HS3ST3A1: variants seen among roughly 807,000 people sequenced by gnomAD.
HS3ST3A1 encodes heparan sulfate-glucosamine 3-sulfotransferase 3A1.
In HS3ST3A1, 19 loss-of-function variants were observed where a neutral mutation model predicts 25.7. The observed-to-expected ratio is 0.74, with a 90% confidence interval of 0.52 to 1.08. HS3ST3A1 has a LOEUF of 1.08. HS3ST3A1 is among the 50% of genes least tolerant of loss of function. The pLI is 0.00. For missense variants in HS3ST3A1, 459 were observed against 594.3 expected (o/e 0.77, Z 2.37); for synonymous variants, 226 against 278.6 (o/e 0.81, Z 1.88).
intron 1 of HS3ST3A1, among the ~76,000 whole-genome samples, chr17:13,520,863 C>T (rs1041388444): frequency 2.0e-5 from 3 of 152,106 alleles, no homozygotes; most frequent in South Asian, 2.1e-4. Flanking sequence ...CTGCCCACCT[C>T]GACCTCCCAA....
At chr17:13,533,394 TAA>T (rs890733697) in intron 1 of HS3ST3A1, among the ~76,000 whole-genome samples, 3 of 151,906 alleles carry the variant, frequency 2.0e-5, no homozygotes, top group African/African-American at 7.3e-5. Flanking sequence ...GTCATCGTCC[TAA>T]GTCTTGTTTG....
chr17:13,551,878 G>C (rs1265173520), intron 1 of HS3ST3A1, among the ~76,000 whole-genome samples: 1 of 152,012 alleles, frequency 6.6e-6, no homozygotes, highest in East Asian at 1.9e-4. Flanking sequence ...AATTTAACTT[G>C]AGGATTACTA....
intron 1 of HS3ST3A1, among the ~76,000 whole-genome samples, chr17:13,554,208 G>A (rs796359503): frequency 1.3e-5 from 2 of 152,088 alleles, no homozygotes; most frequent in South Asian, 2.1e-4. Context: ...GCAGAGGCTT[G>A]GCAAGACTAC....
chr17:13,560,033 T>C (rs774074946), intron 1 of HS3ST3A1, among the ~76,000 whole-genome samples: 8 of 151,830 alleles, frequency 5.3e-5, no homozygotes, highest in Non-Finnish European at 8.8e-5. Flanking sequence ...TTCACGCCTG[T>C]AATCACAGCA....
Position 13,600,673 on chromosome 17 carries a change from G to GCAGCTGCTTGCTGCCTTCGT in HS3ST3A1, c.437_456dup (p.Pro153ThrfsTer15). On this transcript the variant is annotated frameshift_variant, in exon 1 of 2. Coordinates refer to ENST00000284110, the MANE Select transcript of HS3ST3A1 (RefSeq NM_006042.3). LOFTEE classifies it high-confidence loss of function. ...TTCACTCCGATGATGATGGCCTGCG[G>GCAGCTGCTTGCTGCCTTCGT]CAGCTGCTTGCTGCCTTCGTCCAGG... The GCAGCTGCTTGCTGCCTTCGT allele has an allele frequency of 1.3e-6, 2 of 1,586,658 alleles. No individual in the cohort carries two copies. Among genetic ancestry groups the GCAGCTGCTTGCTGCCTTCGT allele is most frequent in the Middle Eastern group, 1.7e-4 (1 of 5,914 alleles).
intron 1 of HS3ST3A1, among the ~76,000 whole-genome samples, chr17:13,546,536 GAT>G (rs1485187332): frequency 1.3e-5 from 2 of 152,210 alleles, no homozygotes; most frequent in Non-Finnish European, 2.9e-5. Flanking sequence ...AAAGTGTTGG[GAT>G]TACAGGCGTG....
intron 1 of HS3ST3A1, among the ~76,000 whole-genome samples, chr17:13,529,078 A>C (rs1906523443): frequency 6.6e-6 from 1 of 152,208 alleles, no homozygotes; most frequent in South Asian, 2.1e-4. Context: ...TGAGCTGTAC[A>C]AAGCAATAAA....
chr17:13,546,757 T>C (rs1907099857), intron 1 of HS3ST3A1, among the ~76,000 whole-genome samples: 1 of 152,204 alleles, frequency 6.6e-6, no homozygotes, highest in African/African-American at 2.4e-5. Context: ...TCAAACTGTG[T>C]CCTCTAGAAC....
At chr17:13,501,758 G>T (rs1905484101) in intron 1 of HS3ST3A1, among the ~76,000 whole-genome samples, 1 of 152,204 alleles carries the variant, frequency 6.6e-6, no homozygotes, top group African/African-American at 2.4e-5. Context: ...TCTTAAGAAT[G>T]TGACACCCAG....
chr17:13,501,023 T>C (rs1412937005), intron 1 of HS3ST3A1, among the ~76,000 whole-genome samples: 1 of 152,192 alleles, frequency 6.6e-6, no homozygotes, highest in Non-Finnish European at 1.5e-5. Context: ...AGACAAATAC[T>C]GTATGAGTTC....
chr17:13,542,104 G>T (rs1906951406), intron 1 of HS3ST3A1, among the ~76,000 whole-genome samples: 1 of 152,094 alleles, frequency 6.6e-6, no homozygotes, highest in African/African-American at 2.4e-5. Flanking sequence ...AAGGCAGGTG[G>T]ATCACTTGAG....
chr17:13,543,943 TC>T (rs987126717), intron 1 of HS3ST3A1, among the ~76,000 whole-genome samples: 4 of 152,192 alleles, frequency 2.6e-5, no homozygotes, highest in African/African-American at 9.6e-5. Context: ...TAGCTCATTA[TC>T]TTGGGCAAGT....
In HS3ST3A1 at chr17:13,543,417, A is replaced by ATT. The variant is rs11395087; in HGVS notation, c.600-46601_600-46600dup. The ATT allele has an allele frequency of 8.6e-4, 141 of 163,242 alleles. 1 individual carries two copies. Among genetic ancestry groups the ATT allele is most frequent in the African/African-American group, 3.0e-3 (123 of 41,140 alleles). 10.1% of individuals were successfully genotyped at this position (163,242 alleles called of 1,614,324 possible). Reference sequence around the variant, plus strand: ...AGATGTGTGGAAGTAGAGAAAAAATATTTTTTTTTCTCTGACATAGCCCAA... The same window carrying ATT: ...AGATGTGTGGAAGTAGAGAAAAAATATTTTTTTTTTTCTCTGACATAGCCCAA... On this transcript the variant is annotated intron_variant, in intron 1 of 1. Transcript: ENST00000284110.
At chr17:13,546,484 T>C (rs1010495093) in intron 1 of HS3ST3A1, among the ~76,000 whole-genome samples, 3 of 152,048 alleles carry the variant, frequency 2.0e-5, no homozygotes, top group Admixed American at 1.3e-4. Context: ...GCCAAGATGG[T>C]CTTGATCTCC....
intron 1 of HS3ST3A1, among the ~76,000 whole-genome samples, chr17:13,578,777 CTGAG>C (rs1598431666): frequency 1.3e-5 from 2 of 152,050 alleles, no homozygotes; most frequent in African/African-American, 4.8e-5. Context: ...AAAATCTTAC[CTGAG>C]TAAGAGGAAT....
chr17:13,528,878 A>G (rs1598415347), intron 1 of HS3ST3A1, among the ~76,000 whole-genome samples: 2 of 148,456 alleles, frequency 1.3e-5, no homozygotes, highest in Admixed American at 6.8e-5. Flanking sequence ...TATAAAGAGC[A>G]GGATGTGGGA....
intron 1 of HS3ST3A1, among the ~76,000 whole-genome samples, chr17:13,528,884 T>A (rs1751875447): frequency 7.2e-6 from 1 of 139,160 alleles, no homozygotes; most frequent in Non-Finnish European, 1.5e-5. Flanking sequence ...GAGCAGGATG[T>A]GGGAGCATGG....
chr17:13,543,854 G>T (rs1907007198), intron 1 of HS3ST3A1, among the ~76,000 whole-genome samples: 1 of 152,082 alleles, frequency 6.6e-6, no homozygotes, highest in Admixed American at 6.5e-5. Context: ...AAAGAATGTT[G>T]GACTACCAGG....
intron 1 of HS3ST3A1, among the ~76,000 whole-genome samples, chr17:13,595,321 C>A (rs1331484746): frequency 4.6e-5 from 7 of 152,222 alleles, no homozygotes; most frequent in East Asian, 3.8e-4. Context: ...CCCCCAAATT[C>A]TTCCCTACTC....
Sources: gnomAD v4.1 joint callset for allele counts (sites outside exome capture counted in the v4.1 genomes callset) on GRCh38, gnomAD v4.1.1 for gene constraint, MANE v1.5 for transcripts, NCBI Gene and HGNC (gene_info 2026-07-23, HGNC 2026-07-21) for gene names.